The following NXN variants were observed in gnomAD, a reference collection of about 807,000 sequenced individuals.
NXN encodes nucleoredoxin 1.
Under a neutral mutation model 48.6 loss-of-function variants are expected in NXN, and 16 were observed. The observed-to-expected ratio is 0.33, with a 90% CI of 0.22 to 0.50. NXN has a LOEUF of 0.50. Ranked by LOEUF, NXN falls within the 20% of genes least tolerant of loss-of-function variation. NXN has a pLI of 0.98. For synonymous variants in NXN, 281 were observed against 269.6 expected (o/e 1.04, Z -0.41); for missense variants, 492 against 605.5 (o/e 0.81, Z 1.97).
chr17:869,603 G>A (rs887991736), intron 1 of NXN, among the ~76,000 whole-genome samples: 3 of 152,170 alleles, frequency 2.0e-5, no homozygotes, highest in Non-Finnish European at 2.9e-5. Context: ...TGTAAGAATC[G>A]CTGACATATG....
rs1456462355 is a variant in NXN, at chr17:830,268, C to G, written c.361-4190G>C. ...TAAGCACAAGAGATTCAGTTAAGAG[C>G]AGATGAGGCTGCTACCCTCGTGGGG... On this transcript the variant is annotated intron_variant, in intron 1 of 7. Transcript: ENST00000336868. The surrounding 1 kb of genome is among the most constrained non-coding windows in gnomAD (Gnocchi z 4.2). 6.6e-6 allele frequency among the ~76,000 whole-genome samples: 1 copy of G among 152,214 alleles called. No individual in the cohort carries two copies. Among genetic ancestry groups the G allele is most frequent in the Non-Finnish European group, 1.5e-5 (1 of 68,046 alleles).
chr17:812,589 G>C (rs1235734419), intron 5 of NXN, among the ~76,000 whole-genome samples: 3 of 151,950 alleles, frequency 2.0e-5, no homozygotes, highest in Non-Finnish European at 4.4e-5. Context: ...GCACGTGTGT[G>C]TGATGGCGCG....
chr17:913,278 T>C (rs1049668200), intron 1 of NXN, among the ~76,000 whole-genome samples: 1 of 115,232 alleles, frequency 8.7e-6, no homozygotes, highest in Non-Finnish European at 2.0e-5. Flanking sequence ...ACCAAACCAC[T>C]GCCAGCTCCC....
At chr17:924,467 C>A (rs373465594) in intron 1 of NXN, among the ~76,000 whole-genome samples, 1 of 152,220 alleles carries the variant, frequency 6.6e-6, no homozygotes, top group Admixed American at 6.5e-5. Context: ...GAACTCCCAA[C>A]CTCAGGTGAT....
chr17:951,864 C>T (rs2069114781), intron 1 of NXN, among the ~76,000 whole-genome samples: 1 of 152,170 alleles, frequency 6.6e-6, no homozygotes. Flanking sequence ...GCTCGGCACA[C>T]TCAGTAGACG....
intron 1 of NXN, among the ~76,000 whole-genome samples, chr17:901,229 C>T (rs966067196): frequency 3.3e-5 from 4 of 120,684 alleles, no homozygotes; most frequent in Non-Finnish European, 5.2e-5. Context: ...CCAGATAGAT[C>T]TGCATTCTCA....
intron 1 of NXN, among the ~76,000 whole-genome samples, chr17:876,257 G>GAAAAGAAAAGAAAAC (rs1459184470): frequency 1.3e-5 from 2 of 151,488 alleles, no homozygotes; most frequent in Non-Finnish European, 2.9e-5. Flanking sequence ...GAGAAGAAAA[G>GAAAAGAAAAGAAAAC]AAAAGAAAAG....
intron 1 of NXN, chr17:907,667 C>CCTGGAATATGGTAATGTTTGGTGGGCCT (rs2068593575): frequency 1.3e-5 from 2 of 150,102 alleles, no homozygotes; most frequent in Non-Finnish European, 3.0e-5. Context: ...TTGGTGGGCC[C>CCTGGAATATGGTAATGTTTGGTGGGCCT]GGCCTGGAAT....
intron 1 of NXN, among the ~76,000 whole-genome samples, chr17:969,708 C>T (rs1207301514): frequency 6.6e-6 from 1 of 152,130 alleles, no homozygotes; most frequent in African/African-American, 2.4e-5. Flanking sequence ...AAAGCAGCGC[C>T]TTCTGATTTT....
intron 1 of NXN, among the ~76,000 whole-genome samples, chr17:968,922 GA>G (rs1259896479): frequency 6.6e-6 from 1 of 151,860 alleles, no homozygotes; most frequent in Non-Finnish European, 1.5e-5. Flanking sequence ...GGGAGACAGA[GA>G]GAGACACGGT....
At chr17:826,419 G>A (rs567467752) in intron 1 of NXN, among the ~76,000 whole-genome samples, 2 of 152,200 alleles carry the variant, frequency 1.3e-5, no homozygotes, top group Non-Finnish European at 2.9e-5. Context: ...GGCGGAGGCT[G>A]ATGGAGGACC....
At chr17:954,481 C>T (rs973365314) in intron 1 of NXN, among the ~76,000 whole-genome samples, 2 of 152,232 alleles carry the variant, frequency 1.3e-5, no homozygotes, top group Non-Finnish European at 2.9e-5. Flanking sequence ...TCCAAATTCT[C>T]CAGGCTCAGG....
chr17:895,910 T>G lies in NXN; in HGVS notation c.361-69832A>C, dbSNP rs572475316. ...GGTGAATCTTTTAGTAAAATGGGCT[T>G]TACAAACTGTTGATGGGCTGGGGGC... On this transcript the variant is annotated intron_variant, in intron 1 of 7. Transcript: ENST00000336868. Among the ~76,000 whole-genome samples, 102 of 152,262 alleles carry G rather than the reference T, an allele frequency of 6.7e-4. 1 individual carries two copies. Among genetic ancestry groups the G allele is most frequent in the Admixed American group, 3.5e-3 (54 of 15,288 alleles).
chr17:812,743 TGAGTGA>T (rs202229446), intron 5 of NXN, among the ~76,000 whole-genome samples: 12,493 of 137,250 alleles, frequency 0.091, 577 homozygotes, highest in African/African-American at 0.12. Context: ...GTAGGGTGCG[TGAGTGA>T]GAGTGTGCAT....
chr17:847,539 G>A lies in NXN; in HGVS notation c.361-21461C>T, dbSNP rs138602165. Among the ~76,000 whole-genome samples the A allele has an allele frequency of 7.9e-3, 1,207 of 152,260 alleles. 12 individuals carry two copies. Among genetic ancestry groups the A allele is most frequent in the East Asian group, 0.03 (156 of 5,184 alleles). On this transcript the variant is annotated intron_variant, in intron 1 of 7. Coordinates refer to ENST00000336868, the MANE Select transcript of NXN (RefSeq NM_022463.5). ...TCACTGGGAATCCGGCAAGCCAGGC[G>A]TGTCCACAGCTCTGCAAACAGCCTC...
intron 1 of NXN, among the ~76,000 whole-genome samples, chr17:955,091 G>A (rs527552618): frequency 6.6e-6 from 1 of 152,068 alleles, no homozygotes; most frequent in Non-Finnish European, 1.5e-5. Flanking sequence ...TCTAGAGGCT[G>A]GGATATGTAA....
chr17:979,138 GT>G (rs2069501211), intron 1 of NXN, among the ~76,000 whole-genome samples, 180 bp downstream of exon 1: 1 of 94,786 alleles, frequency 1.1e-5, no homozygotes, highest in African/African-American at 4.4e-5. Flanking sequence ...GGACGGCGGG[GT>G]GGGGGGCGGG....
chr17:961,093 G>A (rs1383460220), intron 1 of NXN, among the ~76,000 whole-genome samples: 3 of 150,774 alleles, frequency 2.0e-5, no homozygotes, highest in South Asian at 2.2e-4. Flanking sequence ...CAATTAACTC[G>A]ATTTTTAATA....
chr17:804,796 TG>T (rs1156798386), intron 6 of NXN, among the ~76,000 whole-genome samples: 1 of 152,176 alleles, frequency 6.6e-6, no homozygotes, highest in Non-Finnish European at 1.5e-5. Flanking sequence ...GGTCTGCGCA[TG>T]GGGGCCCCGA....
Sources: allele counts gnomAD v4.1 joint callset (sites outside exome capture counted in the v4.1 genomes callset), GRCh38; gene constraint gnomAD v4.1.1; non-coding constraint Gnocchi (gnomAD v3.1); transcripts MANE v1.5; gene names NCBI Gene and HGNC (gene_info 2026-07-23, HGNC 2026-07-21).